Variants in CACNA1E observed in about 807,000 individuals in gnomAD.
CACNA1E encodes the protein calcium voltage-gated channel subunit alpha1 E.
A neutral mutation model predicts 259.2 loss-of-function variants in CACNA1E; 40 were observed. The ratio of observed to expected loss-of-function variants is 0.15; its 90% CI spans 0.12 to 0.20. The LOEUF is 0.20. Among genes scored for constraint, CACNA1E ranks in the 10% least tolerant of loss-of-function variants. CACNA1E has a pLI of 1.00. For synonymous variants in CACNA1E, 1,104 were observed against 1,138.5 expected (o/e 0.97, Z 0.61); for missense variants, 1,874 against 3,040.1 (o/e 0.62, Z 9.02).
chr1:181,801,248 C>T lies in CACNA1E; in HGVS notation c.*2414C>T, dbSNP rs937177193. 1 of 152,606 alleles carries T rather than the reference C, an allele frequency of 6.6e-6. No homozygotes were observed. The highest frequency in any genetic ancestry group is 2.4e-5 in the African/African-American group (1 of 41,440). The allele number at this position is 152,606 out of a possible 1,614,324, so 9.5% of individuals were successfully genotyped here. A position where few individuals can be genotyped will look rare whatever the true frequency, so the allele number is the denominator to read the frequency against. On this transcript the variant is annotated 3_prime_UTR_variant, in exon 48 of 48. Transcript: ENST00000367573. ...TTTGAGAAAGGGAATTTTAGTGACA[C>T]CTTATGCCATTTCAAGAGGAGAAAT...
At chr1:181,530,079 C>G (rs771920034) in intron 3 of CACNA1E, among the ~76,000 whole-genome samples, 3 of 152,124 alleles carry the variant, frequency 2.0e-5, no homozygotes, top group Non-Finnish European at 4.4e-5. Flanking sequence ...TGGGAGGGAC[C>G]CAGGGGGAGG....
chr1:181,571,159 C>T (rs976908698), intron 3 of CACNA1E, among the ~76,000 whole-genome samples: 2 of 152,116 alleles, frequency 1.3e-5, no homozygotes, highest in Non-Finnish European at 2.9e-5. Context: ...TAGGAAGGCA[C>T]TATCTCCTTT....
At chr1:181,437,167 CCT>C (rs772872562) in intron 2 of CACNA1E, among the ~76,000 whole-genome samples, 120 of 152,266 alleles carry the variant, frequency 7.9e-4, no homozygotes, top group Non-Finnish European at 1.6e-3. Flanking sequence ...CATGCAACAC[CCT>C]CTTATTGCCA....
At chr1:181,668,353 A>G (rs1648456762) in intron 7 of CACNA1E, among the ~76,000 whole-genome samples, 1 of 152,206 alleles carries the variant, frequency 6.6e-6, no homozygotes, top group African/African-American at 2.4e-5. Flanking sequence ...ATAGTATTCC[A>G]TGGTATGGAT....
In CACNA1E at chr1:181,720,652, G is replaced by A. The variant is rs1654335118; in HGVS notation, c.1884-131G>A. ...CAGTCTTTGTAAGTTATGTGGAATG[G>A]GGAAAAAGTAGGGAAGAGGGGGGTT... On this transcript the variant is annotated intron_variant, in intron 14 of 47. Transcript: ENST00000367573. 7.3e-6 allele frequency: 5 copies of A among 682,826 alleles called. No homozygotes were observed. In the South Asian group the frequency reaches 8.7e-5, roughly 12 times the overall value. 42.3% of individuals were successfully genotyped at this position (682,826 alleles called of 1,614,324 possible). A position where few individuals can be genotyped will look rare whatever the true frequency, so the allele number is the denominator to read the frequency against.
rs373725230 is a variant in CACNA1E at position 181,341,942 on chromosome 1, G to A, written c.-15+23819G>A. 9.2e-5 allele frequency among the ~76,000 whole-genome samples: 14 copies of A among 152,332 alleles called. No homozygotes were observed. The East Asian group carries it at 1.2e-3, about 13-fold the overall frequency. On this transcript the variant is annotated intron_variant, in intron 1 of 11. Transcript: ENST00000524607. Reference sequence around the variant, plus strand: ...GTGGGAGGAGATAAACAACAAGCAAGTAACTAGACAAGTAAATAAGACGCT... The same window carrying A: ...GTGGGAGGAGATAAACAACAAGCAAATAACTAGACAAGTAAATAAGACGCT...
At chr1:181,478,389 G>A (rs1478397316) in intron 2 of CACNA1E, among the ~76,000 whole-genome samples, 1 of 152,212 alleles carries the variant, frequency 6.6e-6, no homozygotes, top group Non-Finnish European at 1.5e-5. Context: ...TAAGGGCTGT[G>A]AGGTATTGTG....
chr1:181,457,380 C>T (rs181376833), intron 2 of CACNA1E, among the ~76,000 whole-genome samples: 28 of 152,306 alleles, frequency 1.8e-4, no homozygotes, highest in Non-Finnish European at 3.1e-4. Context: ...TCCATCAAAA[C>T]AAGGAGGAAG....
intron 6 of CACNA1E, among the ~76,000 whole-genome samples, chr1:181,598,377 C>T (rs1340050937): frequency 6.6e-6 from 1 of 152,176 alleles, no homozygotes; most frequent in African/African-American, 2.4e-5. Context: ...TGGCGGTGTT[C>T]TCTCTGAGGT....
chr1:181,394,513 C>T (rs1265876968), intron 1 of CACNA1E, among the ~76,000 whole-genome samples: 1 of 152,058 alleles, frequency 6.6e-6, no homozygotes, highest in African/African-American at 2.4e-5. Flanking sequence ...GATACCGGCC[C>T]TTTTCTAGTT....
intron 2 of CACNA1E, among the ~76,000 whole-genome samples, chr1:181,478,057 T>C (rs1212798686): frequency 2.0e-5 from 3 of 152,196 alleles, no homozygotes; most frequent in African/African-American, 7.2e-5. Flanking sequence ...AAGAATCCTG[T>C]CCTTATTATT....
At chr1:181,687,263 T>C (rs1161746068) in intron 7 of CACNA1E, among the ~76,000 whole-genome samples, 1 of 152,236 alleles carries the variant, frequency 6.6e-6, no homozygotes, top group African/African-American at 2.4e-5. Flanking sequence ...TCATGTTTTC[T>C]GTCCTGCCTT....
intron 3 of CACNA1E, among the ~76,000 whole-genome samples, chr1:181,516,298 T>G (rs905366039): frequency 3.3e-5 from 5 of 151,236 alleles, no homozygotes; most frequent in Admixed American, 6.6e-5. Context: ...ACCTAGCGTT[T>G]ACCATATAAT....
intron 1 of CACNA1E, among the ~76,000 whole-genome samples, chr1:181,339,788 T>C (rs1168194029): frequency 6.6e-6 from 1 of 152,142 alleles, no homozygotes; most frequent in African/African-American, 2.4e-5. Context: ...TTTCTGTGAA[T>C]GATTGTTTAT....
chr1:181,358,104 A>G (rs1484876454), intron 1 of CACNA1E, among the ~76,000 whole-genome samples: 1 of 151,968 alleles, frequency 6.6e-6, no homozygotes, highest in Non-Finnish European at 1.5e-5. Flanking sequence ...CTCCTGCAGG[A>G]GAATGGGGAG....
At chr1:181,381,098 G>A (rs1202063617) in intron 1 of CACNA1E, among the ~76,000 whole-genome samples, 1 of 151,962 alleles carries the variant, frequency 6.6e-6, no homozygotes, top group Admixed American at 6.6e-5. Flanking sequence ...CCCAGGAGGT[G>A]GAGGTTGCAG....
In CACNA1E at chr1:181,771,190, G is replaced by A. The variant is rs1659476180; in HGVS notation, c.4882-103G>A. 22 of 659,610 alleles carry A rather than the reference G, an allele frequency of 3.3e-5. No individual in the cohort carries two copies. The South Asian group carries it at 4.1e-4, about 12-fold the overall frequency. 40.9% of individuals were successfully genotyped at this position (659,610 alleles called of 1,614,324 possible). ...TCTGAGTTGTCTGCTTCAGGGGTAG[G>A]TCATCGGGAAGAGCCATGCAAGTGG... On this transcript the variant is annotated intron_variant, in intron 35 of 47. Transcript: ENST00000367573.
Position 181,794,956 on chromosome 1 carries a change from G to A in CACNA1E, c.6120G>A (p.Glu2040=), listed in dbSNP as rs368783125. 99 of 1,613,858 alleles carry A rather than the reference G, an allele frequency of 6.1e-5. No homozygotes were observed. The highest frequency in any genetic ancestry group is 8.1e-5 in the Non-Finnish European group (95 of 1,179,872). Residue 2040 remains glutamate, a synonymous_variant, in exon 46 of 48, where the codon GAG becomes GAA. Transcript: ENST00000367573. ...NSSWLEEFSM[E]RSSENTYKSR... ...CGTGGTTGGAGGAATTCTCCATGGA[G>A]CGAAGCAGTGAAAATACCTACAAGT... is the stretch of plus-strand genomic sequence containing the variant.
At chr1:181,344,351 G>T (rs1167249199) in intron 1 of CACNA1E, among the ~76,000 whole-genome samples, 2 of 152,178 alleles carry the variant, frequency 1.3e-5, no homozygotes, top group Non-Finnish European at 2.9e-5. Context: ...AAACATGCTT[G>T]GTCTTGCTAC....
Sources: allele counts gnomAD v4.1 joint callset (sites outside exome capture counted in the v4.1 genomes callset), GRCh38; gene constraint gnomAD v4.1.1; transcripts MANE v1.5; gene names NCBI Gene and HGNC (gene_info 2026-07-23, HGNC 2026-07-21).